The following RAD18 variants were observed in gnomAD, a reference collection of about 807,000 sequenced individuals.
RAD18 encodes E3 ubiquitin-protein ligase RAD18.
A neutral mutation model predicts 60.4 loss-of-function variants in RAD18; 47 were observed. The observed-to-expected ratio is 0.78, with a 90% CI of 0.62 to 0.99. RAD18 has a LOEUF of 0.99. Among genes scored for constraint, RAD18 ranks in the 50% least tolerant of loss-of-function variants. The pLI, the probability that RAD18 is intolerant of heterozygous loss-of-function variation, is 0.00. For missense variants in RAD18, 640 were observed against 593.3 expected, an observed-to-expected ratio of 1.08 and a Z score of -0.82; for synonymous variants, 225 against 195.5, an observed-to-expected ratio of 1.15 and a Z score of -1.26.
intron 7 of RAD18, among the ~76,000 whole-genome samples, chr3:8,919,806 A>G (rs1481834348): frequency 2.0e-5 from 3 of 151,504 alleles, no homozygotes; most frequent in Non-Finnish European, 4.4e-5. Flanking sequence ...AGTCTGCAAT[A>G]TCTTGTTATG....
At chr3:8,927,117 C>T (rs1482656508) in intron 7 of RAD18, among the ~76,000 whole-genome samples, 2 of 152,184 alleles carry the variant, frequency 1.3e-5, no homozygotes, top group Non-Finnish European at 2.9e-5. Flanking sequence ...TCAGAGTGAG[C>T]AGGCAACCTA....
At chr3:8,923,308 G>A (rs1297176125) in intron 7 of RAD18, among the ~76,000 whole-genome samples, 1 of 152,190 alleles carries the variant, frequency 6.6e-6, no homozygotes, top group African/African-American at 2.4e-5. Flanking sequence ...GGAAGAAAGG[G>A]TATCAGTGAT....
chr3:8,960,382 AAAT>A (rs2124849022), intron 1 of RAD18, among the ~76,000 whole-genome samples: 1 of 152,322 alleles, frequency 6.6e-6, no homozygotes, highest in South Asian at 2.1e-4. Context: ...AAGAAGTCAT[AAAT>A]AATGATCAGG....
intron 1 of RAD18, among the ~76,000 whole-genome samples, chr3:8,960,161 G>A (rs991584057): frequency 3.3e-5 from 5 of 152,074 alleles, no homozygotes; most frequent in South Asian, 2.1e-4. Flanking sequence ...TTAAAAATTC[G>A]TTGGGAGTAG....
intron 3 of RAD18, among the ~76,000 whole-genome samples, 185 bp downstream of exon 3, chr3:8,948,323 CA>C (rs1358058697): frequency 6.6e-6 from 1 of 152,106 alleles, no homozygotes; most frequent in Non-Finnish European, 1.5e-5. Flanking sequence ...GAAATCTTAA[CA>C]AAAAAACTGA....
intron 11 of RAD18, among the ~76,000 whole-genome samples, chr3:8,896,133 C>G (rs1559759807): frequency 2.6e-5 from 4 of 152,178 alleles, no homozygotes; most frequent in African/African-American, 9.7e-5. Flanking sequence ...ACCCCCAGAA[C>G]CAGGGTTTTC....
intron 9 of RAD18, among the ~76,000 whole-genome samples, chr3:8,903,760 C>A (rs936425552): frequency 6.6e-6 from 1 of 152,108 alleles, no homozygotes; most frequent in South Asian, 2.1e-4. Context: ...TGTCATAAAT[C>A]CTATAAAATT....
At chr3:8,926,609 T>C (rs1382829208) in intron 7 of RAD18, among the ~76,000 whole-genome samples, 4 of 152,258 alleles carry the variant, frequency 2.6e-5, no homozygotes, top group Non-Finnish European at 5.9e-5. Context: ...AAGTCAATCC[T>C]AAGCCAAGAG....
At chr3:8,927,140 A>T (rs1362794963) in intron 7 of RAD18, among the ~76,000 whole-genome samples, 1 of 152,266 alleles carries the variant, frequency 6.6e-6, no homozygotes, top group Non-Finnish European at 1.5e-5. Flanking sequence ...GAATGGGAGA[A>T]AATTTTTGCA....
chr3:8,893,881 C>A (rs528433818), intron 11 of RAD18, among the ~76,000 whole-genome samples: 1 of 151,880 alleles, frequency 6.6e-6, no homozygotes, highest in Admixed American at 6.6e-5. Context: ...GTAGAGATGG[C>A]ATCTCCCTAT....
intron 4 of RAD18, among the ~76,000 whole-genome samples, chr3:8,944,566 G>A (rs753794971): frequency 6.7e-6 from 1 of 149,178 alleles, no homozygotes; most frequent in Non-Finnish European, 1.5e-5. Flanking sequence ...AAGGGAGGGA[G>A]GAATAGACGG....
chr3:8,944,840 G>GC (rs1222361373), intron 4 of RAD18, among the ~76,000 whole-genome samples: 3 of 152,278 alleles, frequency 2.0e-5, no homozygotes, highest in Admixed American at 2.0e-4. Flanking sequence ...CTAAAGTCCT[G>GC]CAATGCTTGT....
intron 11 of RAD18, among the ~76,000 whole-genome samples, chr3:8,895,853 C>G (rs1268345750): frequency 6.6e-6 from 1 of 152,188 alleles, no homozygotes; most frequent in Non-Finnish European, 1.5e-5. Flanking sequence ...ATTCCTCCCC[C>G]TTTTAGAAAA....
At chr3:8,901,233 G>A (rs979032831) in intron 10 of RAD18, among the ~76,000 whole-genome samples, 6 of 152,306 alleles carry the variant, frequency 3.9e-5, no homozygotes, top group African/African-American at 1.4e-4. Flanking sequence ...TGGTGGGAAT[G>A]TAAGATAATG....
Position 8,939,559 on chromosome 3 carries a change from G to A in RAD18, c.699C>T (p.Leu233=), listed in dbSNP as rs909504019. 5 of 1,611,208 alleles carry A rather than the reference G, an allele frequency of 3.1e-6. No homozygotes were observed. The highest frequency in any genetic ancestry group is 4.2e-6 in the Non-Finnish European group (5 of 1,177,888). ...CLSREEKKES[L]RSSVHKRKPL... ...GTTCTGCTCAACTTCCTTACCTTCT[G>A]AGGCTTTCCTTCTTCTCTTCGCGTG... The change falls in exon 6 of 13, where the codon CTC becomes CTT. Residue 233 remains leucine (L), a synonymous_variant. Coordinates refer to ENST00000264926, the MANE Select transcript of RAD18 (RefSeq NM_020165.4).
At chr3:8,895,125 C>CA (rs1017559519) in intron 11 of RAD18, among the ~76,000 whole-genome samples, 161 of 140,262 alleles carry the variant, frequency 1.1e-3, no homozygotes, top group East Asian at 6.3e-3. Context: ...TAGAAAGTTC[C>CA]AAAAAAAAAA....
intron 9 of RAD18, among the ~76,000 whole-genome samples, chr3:8,906,492 A>G (rs1428211296): frequency 2.0e-5 from 3 of 152,114 alleles, no homozygotes; most frequent in African/African-American, 7.2e-5. Context: ...GACCTCTCTA[A>G]TAAGGCTGGT....
chr3:8,937,968 G>A (rs929690043), intron 6 of RAD18, among the ~76,000 whole-genome samples: 1 of 152,046 alleles, frequency 6.6e-6, no homozygotes, highest in Non-Finnish European at 1.5e-5. Context: ...AAATGTATTC[G>A]AACTGATGGA....
At chr3:8,958,204 A>G (rs770716404) in intron 2 of RAD18, among the ~76,000 whole-genome samples, 22 of 152,202 alleles carry the variant, frequency 1.4e-4, no homozygotes, top group Non-Finnish European at 2.6e-4. Flanking sequence ...CACCAAAGCT[A>G]CTACCAACTA....
Sources: gnomAD v4.1 joint callset for allele counts (sites outside exome capture counted in the v4.1 genomes callset) on GRCh38, gnomAD v4.1.1 for gene constraint, MANE v1.5 for transcripts, NCBI Gene and HGNC (gene_info 2026-07-23, HGNC 2026-07-21) for gene names.